The following DYNC2H1 variants were observed in gnomAD, a reference collection of about 807,000 sequenced individuals.
DYNC2H1 encodes dynein cytoplasmic 2 heavy chain 1, also known as cytoplasmic dynein 2 heavy chain 1.
A neutral mutation model predicts 570.0 loss-of-function variants in DYNC2H1; 410 were observed. The ratio of observed to expected loss-of-function variants is 0.72; its 90% CI spans 0.66 to 0.78. DYNC2H1 has a LOEUF of 0.78. DYNC2H1 is among the 30% of genes least tolerant of loss of function. The pLI is 0.00. For missense variants in DYNC2H1, 4,865 were observed against 5,046.4 expected, an observed-to-expected ratio of 0.96 and a Z score of 1.09; for synonymous variants, 1,688 against 1,677.6, an observed-to-expected ratio of 1.01 and a Z score of -0.15.
chr11:103,126,012 A>T (rs1182182213), intron 12 of DYNC2H1, among the ~76,000 whole-genome samples: 1 of 152,118 alleles, frequency 6.6e-6, no homozygotes, highest in East Asian at 1.9e-4. Flanking sequence ...CAGTGTGAAA[A>T]TCACTGTTAT....
intron 87 of DYNC2H1, 89 bp from the exon 88 acceptor site, chr11:103,468,500 G>A: frequency 1.2e-6 from 1 of 830,952 alleles, no homozygotes; most frequent in Non-Finnish European, 1.9e-6. Flanking sequence ...GAACACAATG[G>A]AAAGCATAGC....
chr11:103,342,384 T>C (rs1425556983), intron 82 of DYNC2H1, among the ~76,000 whole-genome samples: 1 of 152,122 alleles, frequency 6.6e-6, no homozygotes, highest in Non-Finnish European at 1.5e-5. Flanking sequence ...AATAAGGGAA[T>C]AAAAGCTGGC....
At chr11:103,415,032 C>CTT (rs1943229967) in intron 84 of DYNC2H1, among the ~76,000 whole-genome samples, 1 of 152,130 alleles carries the variant, frequency 6.6e-6, no homozygotes, top group African/African-American at 2.4e-5. Context: ...TTAGAAAAAA[C>CTT]TTTGACAAAC....
At position 103,135,609 on chromosome 11, in the gene DYNC2H1, G is replaced by C. The variant is rs1565328847; in HGVS notation, c.2320G>C (p.Glu774Gln). The change falls in exon 16 of 89, where the codon GAA becomes CAA. Residue 774 changes from glutamate to glutamine, a missense_variant. By Grantham distance (29) the Glu-to-Gln change is conservative. Around this residue, in one of 5 missense-constraint regions of DYNC2H1, gnomAD observed 1,936 missense variants for 1,962.1 expected, o/e 0.99. Coordinates refer to ENST00000375735, the MANE Select transcript of DYNC2H1 (RefSeq NM_001377.3). ...GLEALNENLP[E>Q]INIDLTYKQG... ...AGAAGCACTTAATGAGAATTTGCCA[G>C]AAATAAATATAGACTTAACTTACAA... 1 of 1,613,212 alleles carries C rather than the reference G, an allele frequency of 6.2e-7. No homozygotes were observed. Among genetic ancestry groups the C allele is most frequent in the Admixed American group, 1.7e-5 (1 of 59,920 alleles).
chr11:103,469,560 A>G (rs1945303585), intron 88 of DYNC2H1, among the ~76,000 whole-genome samples: 1 of 152,200 alleles, frequency 6.6e-6, no homozygotes, highest in African/African-American at 2.4e-5. Flanking sequence ...CAAATGCACC[A>G]GAGTATTTAT....
At chr11:103,413,320 A>AT (rs1430390106) in intron 84 of DYNC2H1, among the ~76,000 whole-genome samples, 1 of 152,230 alleles carries the variant, frequency 6.6e-6, no homozygotes, top group Non-Finnish European at 1.5e-5. Context: ...TTAACAAATA[A>AT]TTATAAACGT....
chr11:103,475,654 T>C (rs1440821261), intron 88 of DYNC2H1, among the ~76,000 whole-genome samples: 1 of 152,208 alleles, frequency 6.6e-6, no homozygotes, highest in African/African-American at 2.4e-5. Flanking sequence ...ATTGCTTTGC[T>C]TTAAAACACT....
At chr11:103,196,078 C>A (rs1862497900) in intron 47 of DYNC2H1, among the ~76,000 whole-genome samples, 2 of 152,076 alleles carry the variant, frequency 1.3e-5, no homozygotes, top group African/African-American at 4.8e-5. Context: ...GGAGGGCCAT[C>A]ATTAGGAGTT....
In DYNC2H1 at chr11:103,472,619, G is replaced by A. The variant is rs926698358; in HGVS notation, c.12765+3914G>A. On this transcript the variant is annotated intron_variant, in intron 88 of 88. Transcript: ENST00000375735. The surrounding 1 kb of genome is among the most constrained non-coding windows in gnomAD (Gnocchi z 4.1). ...TGAGTTCCACATTGGTAGCATTAGTGTCCAGACAATCATAGTGAACATTTA... is the reference window on the plus strand; with the variant it reads ...TGAGTTCCACATTGGTAGCATTAGTATCCAGACAATCATAGTGAACATTTA... Among the ~76,000 whole-genome samples, 2 of 152,066 alleles carry A rather than the reference G, an allele frequency of 1.3e-5. No individual in the cohort carries two copies. Among genetic ancestry groups the A allele is most frequent in the African/African-American group, 2.4e-5 (1 of 41,392 alleles).
In DYNC2H1 at chr11:103,269,217, G is replaced by GT. The variant is rs200687277; in HGVS notation, c.10695+9244dup. ...TGTTTTAATTGATGATGGAATATCT[G>GT]TTTTGGAAAATTCATATTTCTGTTT... On this transcript the variant is annotated intron_variant, in intron 70 of 88. Transcript: ENST00000375735. Among the ~76,000 whole-genome samples, 119 of 152,204 alleles carry GT rather than the reference G, an allele frequency of 7.8e-4. 3 individuals are homozygous for GT. The East Asian group carries it at 0.018, about 23-fold the overall frequency.
At chr11:103,411,882 T>C (rs1943103554) in intron 84 of DYNC2H1, among the ~76,000 whole-genome samples, 1 of 152,144 alleles carries the variant, frequency 6.6e-6, no homozygotes, top group Non-Finnish European at 1.5e-5. Flanking sequence ...ATCACTATTT[T>C]TGAAATATTT....
intron 84 of DYNC2H1, among the ~76,000 whole-genome samples, chr11:103,412,417 C>G (rs1487328517): frequency 6.6e-6 from 1 of 152,062 alleles, no homozygotes; most frequent in Non-Finnish European, 1.5e-5. Context: ...CATGTTAGAA[C>G]ATAGACTTTA....
At position 103,181,938 on chromosome 11, in the gene DYNC2H1, G is replaced by C; in HGVS notation, c.6477+52G>C. The C allele has an allele frequency of 1.3e-6, 2 of 1,556,062 alleles. No individual in the cohort carries two copies. The highest frequency in any genetic ancestry group is 1.7e-6 in the Non-Finnish European group (2 of 1,146,264). On this transcript the variant is annotated intron_variant, in intron 40 of 88. Transcript: ENST00000375735. This position sits in a 1 kb window ranked among gnomAD's most constrained non-coding sequence, Gnocchi z 5.0. ...TAATCGAGGTGAGAAGTATGATTAA[G>C]AGTGATGCTTATTTTAACTTCCTTG... is the stretch of plus-strand genomic sequence containing the variant.
chr11:103,283,762 T>C (rs555492960), intron 73 of DYNC2H1, among the ~76,000 whole-genome samples: 2 of 152,278 alleles, frequency 1.3e-5, no homozygotes, highest in East Asian at 3.9e-4. Flanking sequence ...AAAACTATGT[T>C]TCTTGTTGCA....
At chr11:103,140,458 C>T (rs1022615172) in intron 17 of DYNC2H1, among the ~76,000 whole-genome samples, 1 of 152,096 alleles carries the variant, frequency 6.6e-6, no homozygotes, top group African/African-American at 2.4e-5. Context: ...TTTTATTTCT[C>T]CTTCACTTAT....
rs774006247 is a variant in DYNC2H1, at chr11:103,369,491, G to A, written c.12156+11132G>A. 1.3e-5 allele frequency among the ~76,000 whole-genome samples: 2 copies of A among 152,130 alleles called. No individual in the cohort carries two copies. Among genetic ancestry groups the A allele is most frequent in the Non-Finnish European group, 2.9e-5 (2 of 68,022 alleles). Reference sequence around the variant, plus strand: ...TGAGGCACCTGCTGGGGCAGCTAAGGGAATGCTGGCATCACCCCTCTCCTA... The same window carrying A: ...TGAGGCACCTGCTGGGGCAGCTAAGAGAATGCTGGCATCACCCCTCTCCTA... On this transcript the variant is annotated intron_variant, in intron 83 of 88. Transcript: ENST00000375735. The surrounding 1 kb of genome is among the most constrained non-coding windows in gnomAD (Gnocchi z 4.0).
At chr11:103,381,211 A>C (rs767612433) in intron 83 of DYNC2H1, among the ~76,000 whole-genome samples, 2 of 152,180 alleles carry the variant, frequency 1.3e-5, no homozygotes, top group Non-Finnish European at 2.9e-5. Flanking sequence ...TGTGAATATA[A>C]AGTAAGAAGA....
chr11:103,379,132 A>G (rs747341256), intron 83 of DYNC2H1, among the ~76,000 whole-genome samples: 7 of 152,172 alleles, frequency 4.6e-5, no homozygotes, highest in Non-Finnish European at 1.0e-4. Context: ...ATAATGATGC[A>G]ATCAAGACAA....
intron 70 of DYNC2H1, among the ~76,000 whole-genome samples, chr11:103,266,299 G>A (rs1024498375): frequency 3.3e-5 from 5 of 152,054 alleles, no homozygotes; most frequent in Admixed American, 6.5e-5. Flanking sequence ...CTGCGGGGAG[G>A]GCATGTGGGG....
Sources: allele counts gnomAD v4.1 joint callset (sites outside exome capture counted in the v4.1 genomes callset), GRCh38; gene constraint gnomAD v4.1.1; regional missense constraint gnomAD v4.1.1; non-coding constraint Gnocchi (gnomAD v3.1); transcripts MANE v1.5; gene names NCBI Gene and HGNC (gene_info 2026-07-23, HGNC 2026-07-21).